The following TNPO1 variants were observed in gnomAD, a reference collection of about 807,000 sequenced individuals.
TNPO1 encodes the protein transportin 1.
Under a neutral mutation model 119.5 loss-of-function variants are expected in TNPO1, and 8 were observed. The ratio of observed to expected loss-of-function variants is 0.07; its 90% CI spans 0.04 to 0.12. TNPO1 has a LOEUF of 0.12. Among genes scored for constraint, TNPO1 ranks in the 10% least tolerant of loss-of-function variants. The pLI, the probability that TNPO1 is intolerant of heterozygous loss-of-function variation, is 1.00. For missense variants in TNPO1, 576 were observed against 1,089.8 expected, an observed-to-expected ratio of 0.53 and a Z score of 6.64; for synonymous variants, 362 against 363.0, an observed-to-expected ratio of 1.00 and a Z score of 0.03.
chr5:72,861,521 C>A (rs146512727), intron 4 of TNPO1, among the ~76,000 whole-genome samples: 113 of 152,220 alleles, frequency 7.4e-4, no homozygotes, highest in African/African-American at 2.7e-3. Flanking sequence ...CTCACTTCAG[C>A]CTCCTGAATA....
rs1015107935 is a variant in TNPO1 at position 72,865,249 on chromosome 5, C to T, written c.463-347C>T. On this transcript the variant is annotated intron_variant, in intron 5 of 24. Coordinates refer to ENST00000337273, the MANE Select transcript of TNPO1 (RefSeq NM_002270.4). ...CTGAGGTCAGGAGTTTGAGACCAGC[C>T]TGGCCAACACAGTGAAACCCCATCT... is the stretch of plus-strand genomic sequence containing the variant. 1.3e-4 allele frequency among the ~76,000 whole-genome samples: 19 copies of T among 151,974 alleles called. No homozygotes were observed. In the East Asian group the frequency reaches 3.5e-3, roughly 28 times the overall value.
chr5:72,893,084 A>G, intron 15 of TNPO1, 55 bp from the exon 16 acceptor site: 2 of 1,373,216 alleles, frequency 1.5e-6, no homozygotes, highest in Non-Finnish European at 2.1e-6. Context: ...TCAAGCATTC[A>G]TCATAATCTT....
At chr5:72,830,563 A>C (rs1744415074) in intron 1 of TNPO1, among the ~76,000 whole-genome samples, 1 of 152,206 alleles carries the variant, frequency 6.6e-6, no homozygotes, top group Non-Finnish European at 1.5e-5. Flanking sequence ...ACATACAAGC[A>C]CTTAAGAAAT....
intron 5 of TNPO1, chr5:72,862,512 A>G (rs1056532899): frequency 4.0e-5 from 6 of 148,350 alleles, no homozygotes; most frequent in African/African-American, 1.5e-4. Flanking sequence ...TTTTTTTGGT[A>G]GAGATGGGGT....
chr5:72,902,243 G>A (rs1178525901), intron 22 of TNPO1, among the ~76,000 whole-genome samples: 1 of 152,118 alleles, frequency 6.6e-6, no homozygotes, highest in East Asian at 1.9e-4. Context: ...CGAGAGGGGT[G>A]TTTTGAACAT....
chr5:72,858,664 C>T (rs1047352774), intron 4 of TNPO1, among the ~76,000 whole-genome samples: 2 of 152,136 alleles, frequency 1.3e-5, no homozygotes, highest in Admixed American at 6.5e-5. Context: ...GGTGAAACCC[C>T]GTCTCTACTA....
intron 1 of TNPO1, among the ~76,000 whole-genome samples, chr5:72,818,174 C>A (rs1310999895): frequency 6.6e-6 from 1 of 152,228 alleles, no homozygotes; most frequent in Admixed American, 6.5e-5. Flanking sequence ...GGGGCCGCCA[C>A]CCTTGATGTG....
intron 4 of TNPO1, among the ~76,000 whole-genome samples, chr5:72,860,154 C>T (rs915754021): frequency 6.6e-6 from 1 of 152,078 alleles, no homozygotes; most frequent in Non-Finnish European, 1.5e-5. Flanking sequence ...CTTCTCAGAA[C>T]TAAAGGTAGA....
chr5:72,821,744 C>A (rs970371425), intron 1 of TNPO1, among the ~76,000 whole-genome samples: 12 of 151,996 alleles, frequency 7.9e-5, no homozygotes, highest in African/African-American at 2.4e-4. Flanking sequence ...CCAAGAAAGG[C>A]CAGTAATAGA....
intron 22 of TNPO1, among the ~76,000 whole-genome samples, chr5:72,901,438 G>A (rs1332320825): frequency 3.3e-5 from 5 of 151,990 alleles, no homozygotes; most frequent in African/African-American, 1.2e-4. Flanking sequence ...CCAAATAGTA[G>A]GAATACTGTC....
intron 3 of TNPO1, 33 bp from the exon 4 acceptor site, chr5:72,855,741 T>A: frequency 6.4e-7 from 1 of 1,551,030 alleles, no homozygotes; most frequent in Non-Finnish European, 8.7e-7. Context: ...TAAGACTACT[T>A]CAAAACTCAT....
chr5:72,851,368 T>C (rs1745535717), intron 3 of TNPO1, 49 bp downstream of exon 3: 2 of 1,069,144 alleles, frequency 1.9e-6, no homozygotes, highest in Admixed American at 4.0e-5. Flanking sequence ...TTAAGACCTG[T>C]TTAAATGTAC....
intron 3 of TNPO1, among the ~76,000 whole-genome samples, chr5:72,854,819 C>T (rs1226096178): frequency 2.0e-5 from 3 of 151,976 alleles, no homozygotes; most frequent in African/African-American, 7.3e-5. Context: ...TTTAAGAAAA[C>T]TCTTTTTAAA....
chr5:72,869,959 A>T (rs6879076), intron 6 of TNPO1, among the ~76,000 whole-genome samples: 28,010 of 152,094 alleles, frequency 0.18, 2,956 homozygotes, highest in African/African-American at 0.28. Flanking sequence ...TATCATCTGT[A>T]TTTCTGGCCT....
intron 1 of TNPO1, among the ~76,000 whole-genome samples, chr5:72,834,558 A>G (rs1007927328): frequency 2.0e-5 from 3 of 152,278 alleles, no homozygotes; most frequent in Non-Finnish European, 2.9e-5. Flanking sequence ...AAAAGTGTGT[A>G]GAATACAGCT....
intron 6 of TNPO1, among the ~76,000 whole-genome samples, chr5:72,869,448 G>C (rs1426929397): frequency 1.3e-5 from 2 of 152,124 alleles, no homozygotes; most frequent in African/African-American, 4.8e-5. Context: ...TTGGGAGGCT[G>C]AGGCACGAGA....
Position 72,896,562 on chromosome 5 carries a change from A to G in TNPO1, c.2242+6A>G, listed in dbSNP as rs1405452911. 2 of 1,608,586 alleles carry G rather than the reference A, an allele frequency of 1.2e-6. No homozygotes were observed. The highest frequency in any genetic ancestry group is 1.3e-5 in the African/African-American group (1 of 74,790). ...AGAAATCTCCATTCAAATGGGTAAGATGTTTTTCCCTATTTAAAAGCATAA... is the reference window on the plus strand; with the variant it reads ...AGAAATCTCCATTCAAATGGGTAAGGTGTTTTTCCCTATTTAAAAGCATAA... On this transcript the variant is annotated splice_donor_region_variant and intron_variant, in intron 19 of 24. Coordinates refer to ENST00000337273, the MANE Select transcript of TNPO1 (RefSeq NM_002270.4).
intron 6 of TNPO1, among the ~76,000 whole-genome samples, chr5:72,867,353 G>C (rs1746989128): frequency 6.6e-6 from 1 of 150,686 alleles, no homozygotes; most frequent in Non-Finnish European, 1.5e-5. Context: ...TATTAATGTA[G>C]TTTAACTGAC....
At chr5:72,824,445 GCTCCTCTGGTT>G (rs1033731479) in intron 1 of TNPO1, among the ~76,000 whole-genome samples, 1 of 152,178 alleles carries the variant, frequency 6.6e-6, no homozygotes, top group Non-Finnish European at 1.5e-5. Flanking sequence ...CACAGAAACA[GCTCCTCTGGTT>G]CTTCAGTAGC....
Sources: allele counts gnomAD v4.1 joint callset (sites outside exome capture counted in the v4.1 genomes callset), GRCh38; gene constraint gnomAD v4.1.1; transcripts MANE v1.5; gene names NCBI Gene and HGNC (gene_info 2026-07-23, HGNC 2026-07-21).